The following LETMD1 variants were observed in gnomAD, a reference collection of about 807,000 sequenced individuals.
The protein encoded by LETMD1 is LETM1 domain containing 1, also known as LETM1 domain-containing protein 1.
LETMD1 carries 30 observed loss-of-function variants against 43.9 expected under a neutral mutation model. The ratio of observed to expected loss-of-function variants is 0.68; its 90% confidence interval spans 0.51 to 0.93. LETMD1 has a LOEUF of 0.93. Ranked by LOEUF, LETMD1 falls within the 40% of genes least tolerant of loss-of-function variation. The pLI, the probability that LETMD1 is intolerant of heterozygous loss-of-function variation, is 0.00. For missense variants in LETMD1, 413 were observed against 447.7 expected, an observed-to-expected ratio of 0.92 and a Z score of 0.70; for synonymous variants, 176 against 163.1, an observed-to-expected ratio of 1.08 and a Z score of -0.60.
chr12:51,048,741 GCTGCTATCTCGATTCCACCTCTTT>G (rs771143041), intron 1 of LETMD1: 16 of 594,858 alleles, frequency 2.7e-5, no homozygotes, highest in Non-Finnish European at 4.7e-5. Flanking sequence ...AGGTTTTACC[GCTGCTATCTCGATTCCACCTCTTT>G]CTGACTTAGC....
At chr12:51,064,784 A>C, downstream of LETMD1, 1 of 779,024 alleles carries the variant, frequency 1.3e-6, no homozygotes, top group Non-Finnish European at 1.9e-6. Context: ...TGTAAGAAGA[A>C]AAGCAACCAA....
Position 51,056,176 on chromosome 12 carries a change from T to C in LETMD1, c.693T>C (p.Asp231=), listed in dbSNP as rs762579929. 1.1e-5 allele frequency: 18 copies of C among 1,614,262 alleles called. No homozygotes were observed. In the South Asian group the frequency reaches 1.8e-4, roughly 16 times the overall value. The stretch of plus-strand genomic sequence containing the variant: ...GTGGTACCCACCCAGCAATACATGA[T>C]ATCTTGGCTCTGAGAGAGTGTTTCT... ...IQRGTHPAIH[D]ILALRECFSN... The change falls in exon 6 of 9, where the codon GAT becomes GAC. Residue 231 remains aspartate (D), a synonymous_variant. Transcript: ENST00000262055.
At chr12:51,063,932 T>C, downstream of LETMD1, 1 of 1,613,632 alleles carries the variant, frequency 6.2e-7, no homozygotes, top group South Asian at 1.1e-5. Flanking sequence ...GCAATAGAGC[T>C]TCTAGGGTGG....
chr12:51,048,640 G>T (rs1592510838), intron 1 of LETMD1, 162 bp downstream of exon 1: 1 of 875,164 alleles, frequency 1.1e-6, no homozygotes, highest in South Asian at 1.7e-5. Context: ...CTAGTGACCC[G>T]GCTTCCTGAC....
chr12:51,065,763 G>A, the LETMD1 span, among the ~76,000 whole-genome samples: 3 of 152,260 alleles, frequency 2.0e-5, no homozygotes, highest in East Asian at 5.8e-4. Context: ...AGGCCCAGCT[G>A]CATCAATTCT....
At position 51,048,381 on chromosome 12, in the gene LETMD1, G is replaced by C. The variant is rs1944919472; in HGVS notation, c.25G>C (p.Ala9Pro). 1 of 1,614,098 alleles carries C rather than the reference G, an allele frequency of 6.2e-7. No homozygotes were observed. Among genetic ancestry groups the C allele is most frequent in the African/African-American group, 1.3e-5 (1 of 75,028 alleles). MALSRVCW[A>P]RSAVWGSAVT... ...GATGGCGCTCTCCAGGGTGTGCTGG[G>C]CTCGGTCGGCTGTGTGGGGCTCGGC... Residue 9 changes from alanine (A) to proline (P), a missense_variant, in exon 1 of 9, where the codon GCT becomes CCT. Ala to Pro is a conservative substitution (Grantham distance 27, BLOSUM62 -1). Coordinates refer to ENST00000262055, the MANE Select transcript of LETMD1 (RefSeq NM_015416.5).
chr12:51,058,570 C>T (rs1948395343), intron 8 of LETMD1: 1 of 160,616 alleles, frequency 6.2e-6, no homozygotes, highest in African/African-American at 2.4e-5. Context: ...AGGCATGCAC[C>T]ACCACGCCCA....
rs766905809 is a variant in LETMD1 at position 51,059,113 on chromosome 12, A to T, written c.1013-248A>T. 2.1e-4 allele frequency: 100 copies of T among 478,934 alleles called. 2 individuals carry two copies. Among genetic ancestry groups the T allele is most frequent in the Non-Finnish European group, 3.5e-4 (91 of 260,112 alleles). 29.7% of individuals were successfully genotyped at this position (478,934 alleles called of 1,614,324 possible). On this transcript the variant is annotated intron_variant, in intron 8 of 8. Coordinates refer to ENST00000262055, the MANE Select transcript of LETMD1 (RefSeq NM_015416.5). ...CCCAACGCGACTGGTGTTTAGTACC[A>T]TTACCATCTCTGAATTTTCTACTGC... is the stretch of plus-strand genomic sequence containing the variant.
At chr12:51,055,047 C>T (rs1429242855) in intron 4 of LETMD1, among the ~76,000 whole-genome samples, 1 of 152,046 alleles carries the variant, frequency 6.6e-6, no homozygotes, top group Admixed American at 6.5e-5. Context: ...TTGCAGTGAG[C>T]CGAGATCGCG....
In LETMD1 at chr12:51,049,114, A is replaced by G; in HGVS notation, c.203A>G (p.Asn68Ser). 6.2e-7 allele frequency: 1 copy of G among 1,613,872 alleles called. No homozygotes were observed. Among genetic ancestry groups the G allele is most frequent in the South Asian group, 1.1e-5 (1 of 91,060 alleles). Residue 68 changes from asparagine (N) to serine (S), a missense_variant, in exon 2 of 9, where the codon AAT (asparagine) becomes AGT (serine). Coordinates refer to ENST00000262055, the MANE Select transcript of LETMD1 (RefSeq NM_015416.5). ...SYVVTKTKAI[N>S]GKYHRFLGRH... ...GTGGTAACCAAGACAAAAGCGATTAATGGGAAATACCATCGTTTCTTGGGT... is the reference window on the plus strand; with the variant it reads ...GTGGTAACCAAGACAAAAGCGATTAGTGGGAAATACCATCGTTTCTTGGGT...
chr12:51,066,449 G>A, the LETMD1 span, among the ~76,000 whole-genome samples: 4 of 123,276 alleles, frequency 3.2e-5, no homozygotes, highest in African/African-American at 8.6e-5. Context: ...GCAAGACTCC[G>A]TCTCAAAAAA....
intron 5 of LETMD1, 34 bp from the exon 6 acceptor site, chr12:51,056,110 T>A (rs896239213): frequency 1.9e-6 from 3 of 1,610,470 alleles, no homozygotes; most frequent in Non-Finnish European, 2.5e-6. Context: ...GTCAGGACTT[T>A]CCTAACATCT....
intron 7 of LETMD1, chr12:51,056,856 T>C (rs1342797205): frequency 1.6e-5 from 3 of 192,226 alleles, no homozygotes; most frequent in Non-Finnish European, 1.1e-5. Flanking sequence ...TTCACCATGT[T>C]TGCCAGGCTG....
chr12:51,052,654 G>A (rs1311554227), intron 3 of LETMD1, among the ~76,000 whole-genome samples: 1 of 151,972 alleles, frequency 6.6e-6, no homozygotes, highest in Non-Finnish European at 1.5e-5. Flanking sequence ...GGTGGCGGGC[G>A]CCTGTAATCC....
rs1400631693 is a variant in LETMD1, at chr12:51,048,470, G to C, written c.114G>C (p.Gly38=). ...LQLGRSGLAW[G]APRSSKLHLS... is the part of the protein sequence containing the mutation. ...TTGGTCGCTCTGGCCTGGCTTGGGG[G>C]GCCCCTCGGTGAGGGACCTGTAGCG... Residue 38 remains glycine, a synonymous_variant, in exon 1 of 9, where the codon GGG becomes GGC. Transcript: ENST00000262055. The C allele has an allele frequency of 1.2e-6, 2 of 1,613,490 alleles. No homozygotes were observed. The highest frequency in any genetic ancestry group is 1.7e-6 in the Non-Finnish European group (2 of 1,180,028).
In LETMD1 at chr12:51,058,981, T is replaced by C. The variant is rs1326393772; in HGVS notation, c.1013-380T>C. The C allele has an allele frequency of 1.9e-5, 5 of 269,944 alleles. No homozygotes were observed. The East Asian group carries it at 2.7e-4, about 14-fold the overall frequency. The allele number at this position is 269,944 out of a possible 1,614,324, so 16.7% of individuals were successfully genotyped here. On this transcript the variant is annotated intron_variant, in intron 8 of 8. Coordinates refer to ENST00000262055, the MANE Select transcript of LETMD1 (RefSeq NM_015416.5). ...GTATGTATTAGGCTTGTTTGCCCCC[T>C]GTTTAGGCTAGGTCTTGATGTTTTG...
downstream of LETMD1, among the ~76,000 whole-genome samples, chr12:51,060,734 C>CAACT (rs931933077): frequency 3.9e-5 from 6 of 152,010 alleles, no homozygotes; most frequent in African/African-American, 1.4e-4. Context: ...AACCCCGTCT[C>CAACT]AACTAAAATA....
At chr12:51,067,347 G>C in the LETMD1 span, among the ~76,000 whole-genome samples, 1 of 151,956 alleles carries the variant, frequency 6.6e-6, no homozygotes, top group Non-Finnish European at 1.5e-5. The surrounding 1 kb of genome is among the most constrained non-coding windows in gnomAD (Gnocchi z 4.1). Context: ...TGTTTTCTTT[G>C]CAAAAATTTT....
In LETMD1 at chr12:51,056,767, C is replaced by T; in HGVS notation, c.915+265C>T. The T allele has an allele frequency of 1.0e-5, 3 of 287,594 alleles. No individual in the cohort carries two copies. The South Asian group carries it at 1.3e-4, about 13-fold the overall frequency. The allele number at this position is 287,594 out of a possible 1,614,324, so 17.8% of individuals were successfully genotyped here. A position where few individuals can be genotyped will look rare whatever the true frequency, so the allele number is the denominator to read the frequency against. On this transcript the variant is annotated intron_variant, in intron 7 of 8. Coordinates refer to ENST00000262055, the MANE Select transcript of LETMD1 (RefSeq NM_015416.5). ...CCTCCCGGTTCAAGTGATCCTCCTA[C>T]CTCAGCCTCCCAAGTAGCTGGATTA...
Sources: gnomAD v4.1 joint callset for allele counts (sites outside exome capture counted in the v4.1 genomes callset) on GRCh38, gnomAD v4.1.1 for gene constraint, Gnocchi (gnomAD v3.1) non-coding constraint, MANE v1.5 for transcripts, NCBI Gene and HGNC (gene_info 2026-07-23, HGNC 2026-07-21) for gene names.